Variants in PCDHGA10 observed in about 807,000 individuals in gnomAD.
The protein encoded by PCDHGA10 is protocadherin gamma subfamily A, 10.
Under a neutral mutation model 59.5 loss-of-function variants are expected in PCDHGA10, and 42 were observed. The observed-to-expected ratio is 0.71, with a 90% CI of 0.55 to 0.91. The LOEUF (loss-of-function observed/expected upper bound fraction) is 0.91, where lower values mean the gene tolerates loss of function less well. PCDHGA10 is among the 40% of genes least tolerant of loss of function. The pLI, the probability that PCDHGA10 is intolerant of heterozygous loss-of-function variation, is 0.00. For synonymous variants in PCDHGA10, 511 were observed against 517.2 expected (o/e 0.99, Z 0.16); for missense variants, 1,111 against 1,198.2 (o/e 0.93, Z 1.07).
At chr5:141,423,147 G>A (rs545052756) in intron 1 of PCDHGA10, 4 of 1,613,578 alleles carry the variant, frequency 2.5e-6, no homozygotes, top group African/African-American at 2.7e-5. Context: ...ACGCGCTCAA[G>A]CAGAGCCTCG....
chr5:141,497,384 A>G (rs2099776099), intron 2 of PCDHGA10, among the ~76,000 whole-genome samples: 1 of 151,900 alleles, frequency 6.6e-6, no homozygotes, highest in African/African-American at 2.4e-5. Context: ...TGGGGTGAGC[A>G]CCTTACCCCT....
chr5:141,483,648 T>TTGTGTGTGTGTG (rs111458813), intron 1 of PCDHGA10, among the ~76,000 whole-genome samples: 51 of 149,708 alleles, frequency 3.4e-4, no homozygotes, highest in African/African-American at 1.2e-3. Context: ...GGGTGTGTGT[T>TTGTGTGTGTGTG]TGTGTGTGTG....
chr5:141,427,711 A>T, intron 1 of PCDHGA10: 1 of 1,036,498 alleles, frequency 9.6e-7, no homozygotes, highest in Non-Finnish European at 1.5e-6. Context: ...AGCGCCTCTG[A>T]CCTGGACCTA....
In PCDHGA10 at chr5:141,491,908, G is replaced by T; in HGVS notation, c.2437-2899G>T. ...GGGGCTCCGAGCACCGGGGGTGGTG[G>T]CGACTGTGGGCGAGGGGAGGTGGGA... On this transcript the variant is annotated intron_variant, in intron 1 of 3. Transcript: ENST00000398610. The surrounding 1 kb of genome is among the most constrained non-coding windows in gnomAD (Gnocchi z 6.9). 7.1e-7 allele frequency: 1 copy of T among 1,408,288 alleles called. No homozygotes were observed. Among genetic ancestry groups the T allele is most frequent in the Non-Finnish European group, 9.4e-7 (1 of 1,060,836 alleles). The allele number at this position is 1,408,288 out of a possible 1,614,324, so 87.2% of individuals were successfully genotyped here. A position where few individuals can be genotyped will look rare whatever the true frequency, so the allele number is the denominator to read the frequency against.
intron 1 of PCDHGA10, among the ~76,000 whole-genome samples, chr5:141,435,651 C>T (rs762264332): frequency 1.4e-4 from 22 of 152,044 alleles, no homozygotes; most frequent in Non-Finnish European, 2.9e-4. Flanking sequence ...ATTTCTGAAA[C>T]GTGCACAGAT....
At position 141,511,181 on chromosome 5, in the gene PCDHGA10, G is replaced by A. The variant is rs1301391138; in HGVS notation, c.*8G>A. On this transcript the variant is annotated 3_prime_UTR_variant, in exon 4 of 4. Transcript: ENST00000398610. Reference sequence around the variant, plus strand: ...AAGAAGGAGAAGAAGTAACATGGAGGCCAGGCCAAGAGCCACAGGGCGGCC... The same window carrying A: ...AAGAAGGAGAAGAAGTAACATGGAGACCAGGCCAAGAGCCACAGGGCGGCC... 6.2e-7 allele frequency: 1 copy of A among 1,614,016 alleles called. No homozygotes were observed. The highest frequency in any genetic ancestry group is 1.7e-5 in the Admixed American group (1 of 60,016).
At chr5:141,448,074 G>A (rs1008235342) in intron 1 of PCDHGA10, among the ~76,000 whole-genome samples, 3 of 151,152 alleles carry the variant, frequency 2.0e-5, no homozygotes, top group Admixed American at 1.3e-4. Context: ...CAACATGAAC[G>A]AAATGCCATC....
In PCDHGA10 at chr5:141,485,979, C is replaced by G; in HGVS notation, c.2437-8828C>G. 1 of 1,614,182 alleles carries G rather than the reference C, an allele frequency of 6.2e-7. No individual in the cohort carries two copies. Among genetic ancestry groups the G allele is most frequent in the Non-Finnish European group, 8.5e-7 (1 of 1,180,022 alleles). On this transcript the variant is annotated intron_variant, in intron 1 of 3. Coordinates refer to ENST00000398610, the MANE Select transcript of PCDHGA10 (RefSeq NM_018913.3). The surrounding 1 kb of genome is among the most constrained non-coding windows in gnomAD (Gnocchi z 5.7). ...CTCATCCAGCTCAATGCCTCAGACC[C>G]GGACCTGGGTCCCAGTGGTAACGTC...
intron 3 of PCDHGA10, chr5:141,507,424 G>C (rs577364087): frequency 6.6e-6 from 1 of 152,202 alleles, no homozygotes; most frequent in African/African-American, 2.4e-5. Context: ...GGTTAAGTGG[G>C]GCCAGGCCTA....
chr5:141,471,036 C>A (rs1437409726), intron 1 of PCDHGA10, among the ~76,000 whole-genome samples: 1 of 144,908 alleles, frequency 6.9e-6, no homozygotes, highest in Admixed American at 7.0e-5. Context: ...TATTAACAAG[C>A]CCAAGCCCTC....
At chr5:141,509,334 G>A (rs1184232270) in intron 3 of PCDHGA10, among the ~76,000 whole-genome samples, 1 of 152,186 alleles carries the variant, frequency 6.6e-6, no homozygotes, top group Non-Finnish European at 1.5e-5. Flanking sequence ...ACTGCCAGCT[G>A]GGCCTGGGCT....
rs374154790 is a variant in PCDHGA10, at chr5:141,490,709, C to A, written c.2437-4098C>A. The A allele has an allele frequency of 3.2e-5, 52 of 1,614,218 alleles. No homozygotes were observed. In the African/African-American group the frequency reaches 6.3e-4, roughly 19 times the overall value. On this transcript the variant is annotated intron_variant, in intron 1 of 3. Coordinates refer to ENST00000398610, the MANE Select transcript of PCDHGA10 (RefSeq NM_018913.3). The surrounding 1 kb of genome is among the most constrained non-coding windows in gnomAD (Gnocchi z 5.4). ...GACACTGGGGATAATGCCCGCCTCA[C>A]CTACTCCATTGTAGGAAATCAGGTT...
In PCDHGA10 at chr5:141,432,142, C is replaced by T; in HGVS notation, c.2436+16531C>T. 1 of 1,614,098 alleles carries T rather than the reference C, an allele frequency of 6.2e-7. No individual in the cohort carries two copies. Among genetic ancestry groups the T allele is most frequent in the Non-Finnish European group, 8.5e-7 (1 of 1,180,016 alleles). On this transcript the variant is annotated intron_variant, in intron 1 of 3. Transcript: ENST00000398610. This position sits in a 1 kb window ranked among gnomAD's most constrained non-coding sequence, Gnocchi z 6.0. Reference sequence around the variant, plus strand: ...CTCAGGCCTCCTATTCCGCTTATATCCCAGAGAACAATCCCAGAGGAGTTT... The same window carrying T: ...CTCAGGCCTCCTATTCCGCTTATATTCCAGAGAACAATCCCAGAGGAGTTT...
At chr5:141,498,980 GGAAGGAA>G in intron 2 of PCDHGA10, among the ~76,000 whole-genome samples, 1 of 44,970 alleles carries the variant, frequency 2.2e-5, no homozygotes, top group South Asian at 1.0e-3. Context: ...AGGGAAGGAA[GGAAGGAA>G]GGAAGGAAGG....
In PCDHGA10 at chr5:141,413,217, C is replaced by A. The variant is rs762828191; in HGVS notation, c.42C>A (p.Cys14Ter). The change falls in exon 1 of 4, where the codon TGC becomes TGA. Residue 14 changes from cysteine (C) to a stop codon, truncating the protein, a stop_gained. Transcript: ENST00000398610. LOFTEE classifies it high-confidence loss of function. Reference protein sequence around the residue: ...QRNRSKESKDCSGLVLLCLFF... With the variant: ...QRNRSKESKD ...ATCGCTCAAAGGAATCAAAGGATTG[C>A]AGCGGGCTGGTCCTGCTCTGCCTTT... The A allele has an allele frequency of 5.0e-6, 8 of 1,613,184 alleles. No individual in the cohort carries two copies. Among genetic ancestry groups the A allele is most frequent in the African/African-American group, 1.3e-5 (1 of 74,928 alleles).
intron 1 of PCDHGA10, among the ~76,000 whole-genome samples, chr5:141,470,814 A>T (rs1170059292): frequency 2.6e-5 from 4 of 152,006 alleles, no homozygotes; most frequent in Admixed American, 6.5e-5. Context: ...CAGCCTTCTG[A>T]GTAGTTAGGA....
At chr5:141,423,617 A>T (rs1426014397) in intron 1 of PCDHGA10, 3 of 1,608,486 alleles carry the variant, frequency 1.9e-6, no homozygotes, top group Admixed American at 1.7e-5. Flanking sequence ...ATAGCTGAAG[A>T]CTCAGCTATC....
In PCDHGA10 at chr5:141,477,005, T is replaced by C; in HGVS notation, c.2437-17802T>C. The C allele has an allele frequency of 1.2e-6, 2 of 1,614,240 alleles. No individual in the cohort carries two copies. Among genetic ancestry groups the C allele is most frequent in the Non-Finnish European group, 1.7e-6 (2 of 1,180,040 alleles). Reference sequence around the variant, plus strand: ...CGCCGGCGTGCGGCAACTATTCGCCTTAGACCTTGTAACCGGGATGCTGAC... The same window carrying C: ...CGCCGGCGTGCGGCAACTATTCGCCCTAGACCTTGTAACCGGGATGCTGAC... On this transcript the variant is annotated intron_variant, in intron 1 of 3. Transcript: ENST00000398610. The surrounding 1 kb of genome is among the most constrained non-coding windows in gnomAD (Gnocchi z 4.9).
At chr5:141,498,012 A>T (rs184213306) in intron 2 of PCDHGA10, among the ~76,000 whole-genome samples, 6 of 152,348 alleles carry the variant, frequency 3.9e-5, no homozygotes, top group Non-Finnish European at 8.8e-5. Context: ...CAGTGCACTG[A>T]AGGAGACAAA....
Sources: gnomAD v4.1 joint callset for allele counts (sites outside exome capture counted in the v4.1 genomes callset) on GRCh38, gnomAD v4.1.1 for gene constraint, Gnocchi (gnomAD v3.1) non-coding constraint, MANE v1.5 for transcripts, NCBI Gene and HGNC (gene_info 2026-07-23, HGNC 2026-07-21) for gene names.